The following RABGAP1L variants were observed in gnomAD, a reference collection of about 807,000 sequenced individuals.
RABGAP1L encodes the protein rab GTPase-activating protein 1-like.
Under a neutral mutation model 137.7 loss-of-function variants are expected in RABGAP1L, and 63 were observed. The observed-to-expected ratio is 0.46, with a 90% confidence interval of 0.37 to 0.56. The LOEUF (loss-of-function observed/expected upper bound fraction) is 0.56. Among genes scored for constraint, RABGAP1L ranks in the 20% least tolerant of loss-of-function variants. The probability of loss-of-function intolerance (pLI) is 0.00; values close to 1 mark genes in which losing one functional copy is unlikely to be tolerated. For missense variants in RABGAP1L, 1,095 were observed against 1,244.0 expected, an observed-to-expected ratio of 0.88 and a Z score of 1.80; for synonymous variants, 431 against 433.7, an observed-to-expected ratio of 0.99 and a Z score of 0.08.
At chr1:174,383,047 C>A (rs1036896307) in intron 12 of RABGAP1L, among the ~76,000 whole-genome samples, 5 of 149,952 alleles carry the variant, frequency 3.3e-5, no homozygotes, top group Admixed American at 3.3e-4. Context: ...GAATACCCTG[C>A]GATGTGAGGT....
At chr1:174,865,578 ATT>A (rs58014834) in intron 19 of RABGAP1L, among the ~76,000 whole-genome samples, 4 of 151,636 alleles carry the variant, frequency 2.6e-5, no homozygotes, top group African/African-American at 9.7e-5. Flanking sequence ...GATATCAGAG[ATT>A]TTTTTTTGTT....
Position 174,478,677 on chromosome 1 carries a change from T to C in RABGAP1L, c.1710+84532T>C, listed in dbSNP as rs566892426. Among the ~76,000 whole-genome samples the C allele has an allele frequency of 9.2e-5, 14 of 152,318 alleles. No homozygotes were observed. In the East Asian group the frequency reaches 1.7e-3, roughly 19 times the overall value. On this transcript the variant is annotated intron_variant, in intron 13 of 25. Transcript: ENST00000681986. ...CATGGGGAAAATGTAACTTTTTGAA[T>C]GTGTTGAATTTATAAATGAATAAGT...
At chr1:174,393,375 C>T (rs1248982055) in intron 12 of RABGAP1L, among the ~76,000 whole-genome samples, 5 of 152,156 alleles carry the variant, frequency 3.3e-5, no homozygotes, top group African/African-American at 9.7e-5. Flanking sequence ...TATGCTTGAA[C>T]AAAGAATTCC....
At chr1:174,314,784 G>T (rs1679215628) in intron 11 of RABGAP1L, among the ~76,000 whole-genome samples, 1 of 151,966 alleles carries the variant, frequency 6.6e-6, no homozygotes, top group Non-Finnish European at 1.5e-5. Context: ...TAATTTCTCT[G>T]TATTTGTATA....
intron 19 of RABGAP1L, among the ~76,000 whole-genome samples, chr1:174,867,303 C>T (rs1408257341): frequency 6.6e-6 from 1 of 151,694 alleles, no homozygotes; most frequent in African/African-American, 2.4e-5. Flanking sequence ...AATGCTTGAA[C>T]CCGGGAGGTG....
At chr1:174,622,396 C>T (rs1672580168) in intron 13 of RABGAP1L, among the ~76,000 whole-genome samples, 1 of 152,170 alleles carries the variant, frequency 6.6e-6, no homozygotes, top group South Asian at 2.1e-4. Context: ...TGTAAAGACA[C>T]ATGCACACGT....
chr1:174,271,996 A>G (rs1278475209), intron 7 of RABGAP1L, among the ~76,000 whole-genome samples: 3 of 151,972 alleles, frequency 2.0e-5, no homozygotes, highest in Non-Finnish European at 4.4e-5. Context: ...CAAAGAGAGC[A>G]TAGTGTCATC....
At chr1:174,809,805 T>C (rs772495255) in intron 18 of RABGAP1L, among the ~76,000 whole-genome samples, 2 of 152,198 alleles carry the variant, frequency 1.3e-5, no homozygotes, top group Non-Finnish European at 2.9e-5. Flanking sequence ...TCTGGTAGAA[T>C]TGGTAGCTGG....
chr1:174,462,930 A>G (rs1656857238), intron 13 of RABGAP1L, among the ~76,000 whole-genome samples: 1 of 152,244 alleles, frequency 6.6e-6, no homozygotes, highest in Non-Finnish European at 1.5e-5. Flanking sequence ...ATCACTGGCC[A>G]TCAGAGAAAT....
chr1:174,326,430 G>A (rs1441682762), intron 11 of RABGAP1L, among the ~76,000 whole-genome samples: 1 of 152,118 alleles, frequency 6.6e-6, no homozygotes, highest in Non-Finnish European at 1.5e-5. Context: ...ATGCAATAGA[G>A]GGCATCACCA....
rs764392846 is a variant in RABGAP1L at position 174,711,709 on chromosome 1, C to T, written c.2169+9453C>T. On this transcript the variant is annotated intron_variant, in intron 17 of 25. Transcript: ENST00000681986. ...CTCCTGCCCTCCACGGGCTCCCGCA[C>T]GCCCGAGCCTCCCTGACTGGCACTG... Among the ~76,000 whole-genome samples, 28 of 152,350 alleles carry T rather than the reference C, an allele frequency of 1.8e-4. 1 individual carries two copies. The highest frequency in any genetic ancestry group is 2.4e-4 in the African/African-American group (10 of 41,600).
intron 14 of RABGAP1L, among the ~76,000 whole-genome samples, chr1:174,661,483 A>G (rs951299830): frequency 3.3e-5 from 5 of 152,238 alleles, no homozygotes; most frequent in Admixed American, 6.5e-5. Context: ...AATTTTTTAA[A>G]TGTAAAATTG....
chr1:174,165,129 T>A (rs1571326593), intron 1 of RABGAP1L, among the ~76,000 whole-genome samples: 2 of 151,534 alleles, frequency 1.3e-5, no homozygotes, highest in Admixed American at 6.6e-5. Context: ...ACTATAAGAG[T>A]TTAGAGAGGA....
intron 11 of RABGAP1L, among the ~76,000 whole-genome samples, chr1:174,320,801 G>T (rs189336717): frequency 6.6e-6 from 1 of 152,222 alleles, no homozygotes; most frequent in Non-Finnish European, 1.5e-5. Context: ...TCAGGACCCT[G>T]TGATGATTGT....
chr1:174,221,607 G>A (rs16846769), intron 3 of RABGAP1L, among the ~76,000 whole-genome samples: 11,037 of 152,186 alleles, frequency 0.073, 599 homozygotes, highest in East Asian at 0.32. Context: ...GAATAATTAG[G>A]ATTTGTACTT....
At chr1:174,562,953 T>C (rs1438115102) in intron 13 of RABGAP1L, among the ~76,000 whole-genome samples, 2 of 152,090 alleles carry the variant, frequency 1.3e-5, no homozygotes, top group African/African-American at 4.8e-5. Flanking sequence ...TGTATACCTA[T>C]GTAACAAAAC....
chr1:174,659,762 C>A (rs1446648715), intron 14 of RABGAP1L, among the ~76,000 whole-genome samples: 1 of 152,152 alleles, frequency 6.6e-6, no homozygotes, highest in Admixed American at 6.5e-5. Flanking sequence ...CAAATACAGC[C>A]TATGTAAAAC....
chr1:174,715,013 T>C (rs866017147), intron 17 of RABGAP1L, among the ~76,000 whole-genome samples: 4 of 152,206 alleles, frequency 2.6e-5, no homozygotes, highest in African/African-American at 9.7e-5. Flanking sequence ...AGCATAGTTT[T>C]AATATAGGGC....
chr1:174,217,396 T>C (rs1669419009), intron 1 of RABGAP1L, among the ~76,000 whole-genome samples: 1 of 152,152 alleles, frequency 6.6e-6, no homozygotes, highest in Non-Finnish European at 1.5e-5. Flanking sequence ...GGTATTTTCG[T>C]CCATGACAAT....
Sources: gnomAD v4.1 joint callset for allele counts (sites outside exome capture counted in the v4.1 genomes callset) on GRCh38, gnomAD v4.1.1 for gene constraint, MANE v1.5 for transcripts, NCBI Gene and HGNC (gene_info 2026-07-23, HGNC 2026-07-21) for gene names.